The following STXBP5L variants were observed in gnomAD, a reference collection of about 807,000 sequenced individuals.
STXBP5L encodes syntaxin binding protein 5L.
A neutral mutation model predicts 144.5 loss-of-function variants in STXBP5L; 65 were observed. The ratio of observed to expected loss-of-function variants is 0.45; its 90% CI spans 0.37 to 0.55. STXBP5L has a LOEUF of 0.55. Ranked by LOEUF, STXBP5L falls within the 20% of genes least tolerant of loss-of-function variation. The pLI, the probability that STXBP5L is intolerant of heterozygous loss-of-function variation, is 0.00. For missense variants in STXBP5L, 1,298 were observed against 1,405.5 expected, an observed-to-expected ratio of 0.92 and a Z score of 1.22; for synonymous variants, 505 against 469.6, an observed-to-expected ratio of 1.08 and a Z score of -0.97.
Position 121,219,003 on chromosome 3 carries a change from T to C in STXBP5L, c.957-4000T>C, listed in dbSNP as rs554141217. On this transcript the variant is annotated intron_variant, in intron 10 of 26. Transcript: ENST00000471454. The stretch of plus-strand genomic sequence containing the variant: ...TCATTATTTCATGTAGTTAAAATTA[T>C]TCAAGTATTCTTAATTTTTTGCTAG... 5.9e-5 allele frequency among the ~76,000 whole-genome samples: 9 copies of C among 152,284 alleles called. No homozygotes were observed. In the South Asian group the frequency reaches 1.9e-3, roughly 32 times the overall value.
intron 7 of STXBP5L, among the ~76,000 whole-genome samples, chr3:121,144,701 C>G (rs1424665441): frequency 6.6e-6 from 1 of 151,890 alleles, no homozygotes; most frequent in East Asian, 1.9e-4. Flanking sequence ...GTGGAAATGG[C>G]CTAAATGGCC....
chr3:121,271,038 G>T (rs148057664), intron 18 of STXBP5L, among the ~76,000 whole-genome samples: 1 of 152,110 alleles, frequency 6.6e-6, no homozygotes, highest in Non-Finnish European at 1.5e-5. Flanking sequence ...ATAATAGTTT[G>T]TGGGGAGATA....
chr3:121,055,825 G>T (rs1200156948), intron 5 of STXBP5L, among the ~76,000 whole-genome samples: 1 of 151,018 alleles, frequency 6.6e-6, no homozygotes, highest in East Asian at 1.9e-4. Flanking sequence ...TTAGCCTCCT[G>T]AGGTGTGCAC....
intron 3 of STXBP5L, among the ~76,000 whole-genome samples, chr3:120,989,201 C>T (rs1429079037): frequency 6.6e-6 from 1 of 151,854 alleles, no homozygotes; most frequent in Non-Finnish European, 1.5e-5. Context: ...ATTGCTGAGT[C>T]AACTGTTTTA....
chr3:121,038,974 A>G (rs1044894335), intron 3 of STXBP5L, among the ~76,000 whole-genome samples: 1 of 151,834 alleles, frequency 6.6e-6, no homozygotes, highest in Non-Finnish European at 1.5e-5. Context: ...ACCTATTTGT[A>G]TATATTAACC....
intron 5 of STXBP5L, among the ~76,000 whole-genome samples, chr3:121,075,122 G>A (rs1248964600): frequency 1.3e-5 from 2 of 152,122 alleles, no homozygotes; most frequent in African/African-American, 4.8e-5. Flanking sequence ...CTGCCACTCT[G>A]ATTAAATCCA....
chr3:121,144,981 A>C (rs2877412), intron 7 of STXBP5L, among the ~76,000 whole-genome samples: 15,009 of 151,918 alleles, frequency 0.099, 1,169 homozygotes, highest in Admixed American at 0.2. Flanking sequence ...AAAGAGTGTA[A>C]TGGTGGCTGA....
chr3:121,047,137 T>A (rs1326912336), intron 5 of STXBP5L, among the ~76,000 whole-genome samples: 2 of 152,124 alleles, frequency 1.3e-5, no homozygotes, highest in Non-Finnish European at 2.9e-5. Context: ...CCAGGTTGTT[T>A]AATTTCCATC....
chr3:121,387,918 G>GT (rs1486375964), intron 22 of STXBP5L, among the ~76,000 whole-genome samples: 4 of 152,156 alleles, frequency 2.6e-5, no homozygotes, highest in Non-Finnish European at 4.4e-5. Context: ...CTTTAAAGTA[G>GT]TTTTTTCCAA....
At chr3:121,218,461 C>T (rs559699963) in intron 10 of STXBP5L, among the ~76,000 whole-genome samples, 19 of 150,606 alleles carry the variant, frequency 1.3e-4, no homozygotes, top group Non-Finnish European at 2.7e-4. Flanking sequence ...AAGATTACTG[C>T]TTGCTTTTGA....
chr3:121,183,900 G>T (rs932334404), intron 9 of STXBP5L, among the ~76,000 whole-genome samples: 27 of 152,000 alleles, frequency 1.8e-4, no homozygotes, highest in African/African-American at 5.8e-4. Flanking sequence ...TGCAGCCTCC[G>T]CTGGTGATAC....
intron 12 of STXBP5L, 82 bp from the exon 13 acceptor site, chr3:121,238,889 C>A: frequency 1.5e-6 from 2 of 1,314,658 alleles, no homozygotes; most frequent in Non-Finnish European, 2.0e-6. Context: ...TGTTTAGAGA[C>A]ATTTTAGGGC....
chr3:121,348,070 T>C (rs756974244), intron 20 of STXBP5L, among the ~76,000 whole-genome samples: 2 of 152,182 alleles, frequency 1.3e-5, no homozygotes, highest in Non-Finnish European at 2.9e-5. Context: ...TTTTTGCCCA[T>C]TCAGTATGAT....
At chr3:121,161,312 T>A (rs2046315225) in intron 9 of STXBP5L, among the ~76,000 whole-genome samples, 1 of 151,602 alleles carries the variant, frequency 6.6e-6, no homozygotes, top group Non-Finnish European at 1.5e-5. Context: ...ACACTTTGTG[T>A]GGGCATGTGT....
chr3:121,073,068 T>C (rs1215945749), intron 5 of STXBP5L, among the ~76,000 whole-genome samples: 4 of 152,252 alleles, frequency 2.6e-5, no homozygotes, highest in Non-Finnish European at 5.9e-5. Flanking sequence ...ATCCAGCCCG[T>C]CTGACACCTT....
intron 5 of STXBP5L, among the ~76,000 whole-genome samples, chr3:121,052,653 A>C (rs1203334427): frequency 6.6e-6 from 1 of 152,182 alleles, no homozygotes; most frequent in African/African-American, 2.4e-5. Context: ...TGAATGGGCA[A>C]AAACTGGAAG....
chr3:121,136,872 T>A (rs1423502453), intron 7 of STXBP5L, among the ~76,000 whole-genome samples: 1 of 152,214 alleles, frequency 6.6e-6, no homozygotes, highest in Non-Finnish European at 1.5e-5. Flanking sequence ...ATGTGCTACA[T>A]ATACACCATG....
intron 5 of STXBP5L, chr3:121,099,436 G>A (rs1021566801): frequency 7.9e-5 from 12 of 152,212 alleles, no homozygotes; most frequent in African/African-American, 2.9e-4. Context: ...TCTTCAAGAA[G>A]CTACAATAGA....
chr3:121,381,484 T>C lies in STXBP5L; in HGVS notation c.2539T>C (p.Leu847=), dbSNP rs765838259. ...GTTAATCATCTCCTTAAACCTACCA[T>C]TAGCAGATGAACAAAGGTTTACAGA... ...MVLIISLNLP[L]ADEQRFTEPV... Residue 847 remains leucine, a synonymous_variant, in exon 22 of 27, where the codon TTA becomes CTA. Coordinates refer to ENST00000471454, the MANE Select transcript of STXBP5L (RefSeq NM_001308330.2). 4.4e-6 allele frequency: 7 copies of C among 1,595,128 alleles called. No homozygotes were observed. The highest frequency in any genetic ancestry group is 1.9e-5 in the Admixed American group (1 of 53,570).
Sources: gnomAD v4.1 joint callset for allele counts (sites outside exome capture counted in the v4.1 genomes callset) on GRCh38, gnomAD v4.1.1 for gene constraint, MANE v1.5 for transcripts, NCBI Gene and HGNC (gene_info 2026-07-23, HGNC 2026-07-21) for gene names.